The following BACE2 variants were observed in gnomAD, a reference collection of about 807,000 sequenced individuals.
The protein encoded by BACE2 is 56 kDa aspartic-like protease.
Under a neutral mutation model 46.2 loss-of-function variants are expected in BACE2, and 17 were observed. The observed-to-expected ratio is 0.37, with a 90% CI of 0.25 to 0.55. The LOEUF (loss-of-function observed/expected upper bound fraction) is 0.55. Ranked by LOEUF, BACE2 falls within the 20% of genes least tolerant of loss-of-function variation. The probability of loss-of-function intolerance (pLI) is 0.82; values close to 1 mark genes in which losing one functional copy is unlikely to be tolerated. For missense variants in BACE2, 595 were observed against 698.1 expected, an observed-to-expected ratio of 0.85 and a Z score of 1.66; for synonymous variants, 277 against 295.9, an observed-to-expected ratio of 0.94 and a Z score of 0.66.
At chr21:41,203,727 G>A (rs1032748493) in intron 1 of BACE2, among the ~76,000 whole-genome samples, 28 of 152,012 alleles carry the variant, frequency 1.8e-4, no homozygotes, top group African/African-American at 6.5e-4. Context: ...ACAGGCGCTG[G>A]GACACCCCAA....
At position 41,275,908 on chromosome 21, in the gene BACE2, G is replaced by A. The variant is rs1601328641; in HGVS notation, c.*284G>A. 7.5e-6 allele frequency: 3 copies of A among 400,918 alleles called. No homozygotes were observed. The East Asian group carries it at 1.3e-4, about 18-fold the overall frequency. The allele number at this position is 400,918 out of a possible 1,614,324, so 24.8% of individuals were successfully genotyped here. On this transcript the variant is annotated 3_prime_UTR_variant, in exon 9 of 9. Coordinates refer to ENST00000330333, the MANE Select transcript of BACE2 (RefSeq NM_012105.5). ...TCTATGGGGTTCGTTATGCCAAAGT[G>A]TCTACATGTGCCACCAACATAAAAC...
intron 1 of BACE2, among the ~76,000 whole-genome samples, chr21:41,171,739 C>T (rs1206765419): frequency 1.3e-5 from 2 of 152,200 alleles, no homozygotes; most frequent in East Asian, 3.8e-4. Context: ...AGGTGTGCAG[C>T]CATATACCTT....
intron 8 of BACE2, among the ~76,000 whole-genome samples, chr21:41,267,595 G>A (rs976715174): frequency 1.3e-5 from 2 of 152,174 alleles, no homozygotes; most frequent in Admixed American, 1.3e-4. Flanking sequence ...TCTGGTACAT[G>A]CTCATGTTTA....
chr21:41,211,878 GT>G (rs1237255318), intron 1 of BACE2, among the ~76,000 whole-genome samples: 3 of 152,206 alleles, frequency 2.0e-5, no homozygotes, highest in Non-Finnish European at 4.4e-5. Context: ...TTTCTGTAGG[GT>G]TATTGCCCAG....
intron 6 of BACE2, among the ~76,000 whole-genome samples, chr21:41,250,141 G>T (rs1987597429): frequency 6.6e-6 from 1 of 152,196 alleles, no homozygotes; most frequent in African/African-American, 2.4e-5. Context: ...CAAGGAGAAA[G>T]GCCAGGAAGG....
chr21:41,210,821 T>C (rs1013116258), intron 1 of BACE2, among the ~76,000 whole-genome samples: 2 of 152,226 alleles, frequency 1.3e-5, no homozygotes, highest in African/African-American at 4.8e-5. Flanking sequence ...ACAGGAGGCA[T>C]GTCACATGGA....
chr21:41,277,031 A>G lies in BACE2; in HGVS notation c.*1407A>G, dbSNP rs1489463141. On this transcript the variant is annotated 3_prime_UTR_variant, in exon 9 of 9. Transcript: ENST00000330333. ...ATGTCATTAGGAGAAGAGTTAAAAG[A>G]CAGTATCCCCTCTCTCCTGCTTGTG... 2 of 151,944 alleles carry G rather than the reference A, an allele frequency of 1.3e-5. No individual in the cohort carries two copies. 9.4% of individuals were successfully genotyped at this position (151,944 alleles called of 1,614,324 possible).
In BACE2 at chr21:41,279,253, A is replaced by C. The variant is rs1417247187; in HGVS notation, c.*3629A>C. On this transcript the variant is annotated 3_prime_UTR_variant, in exon 9 of 9. Coordinates refer to ENST00000330333, the MANE Select transcript of BACE2 (RefSeq NM_012105.5). ...TTTGAGAGGGGTAGAAAGAATAAGA[A>C]TATAATTAAAAGTATGCTAACAAAA... 1 of 152,196 alleles carries C rather than the reference A, an allele frequency of 6.6e-6. No individual in the cohort carries two copies. The highest frequency in any genetic ancestry group is 1.5e-5 in the Non-Finnish European group (1 of 68,036). The allele number at this position is 152,196 out of a possible 1,614,324, so 9.4% of individuals were successfully genotyped here.
Position 41,215,700 on chromosome 21 carries a change from C to T in BACE2, c.313-10566C>T, listed in dbSNP as rs142280319. 4.2e-3 allele frequency among the ~76,000 whole-genome samples: 642 copies of T among 152,310 alleles called. 2 individuals are homozygous for T. The highest frequency in any genetic ancestry group is 6.9e-3 in the Non-Finnish European group (468 of 68,026). ...ACAGGGGCGGGGACGTCGGGACCTC[C>T]ATGGGCTGTTTCACATCTCCAAGGC... is the stretch of plus-strand genomic sequence containing the variant. On this transcript the variant is annotated intron_variant, in intron 1 of 8. Transcript: ENST00000330333.
rs10658440 is a variant in BACE2, at chr21:41,224,209, A to ATT, written c.313-2035_313-2034dup. On this transcript the variant is annotated intron_variant, in intron 1 of 8. Coordinates refer to ENST00000330333, the MANE Select transcript of BACE2 (RefSeq NM_012105.5). ...CCTAGGCAAAAACTTGCCTATTTTG[A>ATT]TTTTTTTTTTTTTTTTTTTTTTTGA... Among the ~76,000 whole-genome samples the ATT allele has an allele frequency of 6.7e-3, 667 of 98,830 alleles. 11 individuals carry two copies. The highest frequency in any genetic ancestry group is 0.014 in the Middle Eastern group (2 of 142). The allele number at this position is 98,830 out of a possible 152,430, so 64.8% of individuals were successfully genotyped here.
chr21:41,168,986 TCCCCCCCGCCC>T (rs1984491293), intron 1 of BACE2, among the ~76,000 whole-genome samples: 1 of 60,604 alleles, frequency 1.7e-5, no homozygotes. Flanking sequence ...ATACCCTCCC[TCCCCCCCGCCC>T]CCCCCCCACC....
Position 41,280,978 on chromosome 21 carries a change from G to A in BACE2, c.*5354G>A, listed in dbSNP as rs568535791. ...TGAATCCAGCCACGGCAAGAGCGAC[G>A]TGCGGGTACCTGGTCCCTGATGCTT... On this transcript the variant is annotated 3_prime_UTR_variant, in exon 9 of 9. Transcript: ENST00000330333. The A allele has an allele frequency of 2.0e-5, 3 of 152,368 alleles. No individual in the cohort carries two copies. Among genetic ancestry groups the A allele is most frequent in the South Asian group, 4.1e-4 (2 of 4,826 alleles). The allele number at this position is 152,368 out of a possible 1,614,324, so 9.4% of individuals were successfully genotyped here.
In BACE2 at chr21:41,279,520, C is replaced by T. The variant is rs71318563; in HGVS notation, c.*3896C>T. ...GCTGAGGCAGGAGAATCGCTTGAAC[C>T]GGGGAGGCAGAGGTTGTAGTGAGCC... On this transcript the variant is annotated 3_prime_UTR_variant, in exon 9 of 9. Coordinates refer to ENST00000330333, the MANE Select transcript of BACE2 (RefSeq NM_012105.5). 0.03 allele frequency: 4,552 copies of T among 152,304 alleles called. 118 individuals are homozygous for T. The highest frequency in any genetic ancestry group is 0.04 in the Non-Finnish European group (2,728 of 68,122). The allele number at this position is 152,304 out of a possible 1,614,324, so 9.4% of individuals were successfully genotyped here. A position where few individuals can be genotyped will look rare whatever the true frequency, so the allele number is the denominator to read the frequency against.
chr21:41,238,681 T>C (rs1987199432), intron 3 of BACE2, among the ~76,000 whole-genome samples: 1 of 151,658 alleles, frequency 6.6e-6, no homozygotes, highest in Non-Finnish European at 1.5e-5. Context: ...GAAATCATCA[T>C]TCTCAGTAAA....
At chr21:41,176,818 G>GA (rs1028389364) in intron 1 of BACE2, 4 of 152,172 alleles carry the variant, frequency 2.6e-5, no homozygotes, top group Non-Finnish European at 5.9e-5. Context: ...TAAATATCAA[G>GA]AAAAATGAAT....
chr21:41,253,343 A>G (rs3827212), intron 7 of BACE2, among the ~76,000 whole-genome samples: 105,498 of 151,158 alleles, frequency 0.7, 37,190 homozygotes, highest in East Asian at 0.92. Context: ...CTGGGAGGCT[A>G]AGGCAGGAGA....
At chr21:41,233,599 T>C (rs191687519) in intron 2 of BACE2, among the ~76,000 whole-genome samples, 17 of 152,350 alleles carry the variant, frequency 1.1e-4, no homozygotes, top group Admixed American at 7.2e-4. Context: ...TTCTATAGCC[T>C]GGACAGAGTG....
At chr21:41,273,737 A>G (rs2088456624) in intron 8 of BACE2, among the ~76,000 whole-genome samples, 1 of 152,246 alleles carries the variant, frequency 6.6e-6, no homozygotes, top group African/African-American at 2.4e-5. Context: ...TAAAGACAGC[A>G]TAGGAAATCA....
rs750467814 is a variant in BACE2, at chr21:41,278,565, G to T, written c.*2941G>T. 2.0e-5 allele frequency: 3 copies of T among 152,198 alleles called. No homozygotes were observed. The highest frequency in any genetic ancestry group is 4.4e-5 in the Non-Finnish European group (3 of 68,054). 9.4% of individuals were successfully genotyped at this position (152,198 alleles called of 1,614,324 possible). On this transcript the variant is annotated 3_prime_UTR_variant, in exon 9 of 9. Coordinates refer to ENST00000330333, the MANE Select transcript of BACE2 (RefSeq NM_012105.5). ...TTCATGGTGAAACACAGAGGTTTTG[G>T]TTGGAGATAAATTTGGGGTCAGTTA...
Sources: allele counts gnomAD v4.1 joint callset (sites outside exome capture counted in the v4.1 genomes callset), GRCh38; gene constraint gnomAD v4.1.1; transcripts MANE v1.5; gene names NCBI Gene and HGNC (gene_info 2026-07-23, HGNC 2026-07-21).